MED27: variants seen among roughly 807,000 people sequenced by gnomAD.
The protein encoded by MED27 is mediator of RNA polymerase II transcription subunit 27.
A neutral mutation model predicts 38.2 loss-of-function variants in MED27; 30 were observed. The ratio of observed to expected loss-of-function variants is 0.79; its 90% CI spans 0.59 to 1.07. MED27 has a LOEUF of 1.07. Among genes scored for constraint, MED27 ranks in the 50% least tolerant of loss-of-function variants. The probability of loss-of-function intolerance (pLI) is 0.00; values close to 1 mark genes in which losing one functional copy is unlikely to be tolerated. For missense variants in MED27, 289 were observed against 397.5 expected, an observed-to-expected ratio of 0.73 and a Z score of 2.32; for synonymous variants, 122 against 153.5, an observed-to-expected ratio of 0.79 and a Z score of 1.52.
At chr9:131,890,674 T>C (rs1839213578) in intron 5 of MED27, among the ~76,000 whole-genome samples, 1 of 152,150 alleles carries the variant, frequency 6.6e-6, no homozygotes, top group East Asian at 1.9e-4. Context: ...GGCACAGAAG[T>C]GCACCCTACA....
intron 3 of MED27, among the ~76,000 whole-genome samples, chr9:132,000,381 G>C (rs536134740): frequency 2.6e-5 from 4 of 152,184 alleles, no homozygotes; most frequent in African/African-American, 9.6e-5. Flanking sequence ...ACAGCAACTG[G>C]AACTCTCATA....
At chr9:132,073,706 T>C in intron 2 of MED27, 3 of 1,519,930 alleles carry the variant, frequency 2.0e-6, no homozygotes, top group Non-Finnish European at 2.6e-6. Flanking sequence ...CTTCAGACTT[T>C]CCAATGGAAT....
chr9:131,994,892 C>T (rs1832058518), intron 3 of MED27, among the ~76,000 whole-genome samples: 1 of 152,124 alleles, frequency 6.6e-6, no homozygotes, highest in Non-Finnish European at 1.5e-5. Flanking sequence ...AGTGTCCAAG[C>T]TTGGTTTACA....
At chr9:131,926,263 G>A (rs932121876) in intron 4 of MED27, among the ~76,000 whole-genome samples, 4 of 152,212 alleles carry the variant, frequency 2.6e-5, no homozygotes, top group African/African-American at 9.7e-5. Flanking sequence ...GGCTCAGTGA[G>A]TATTTACTGA....
At chr9:132,015,122 C>T (rs1284065848) in intron 2 of MED27, among the ~76,000 whole-genome samples, 1 of 152,186 alleles carries the variant, frequency 6.6e-6, no homozygotes, top group East Asian at 1.9e-4. Context: ...TATCAGTCTG[C>T]ATTCAGAACC....
At chr9:131,898,027 A>G (rs1829862921) in intron 4 of MED27, among the ~76,000 whole-genome samples, 1 of 151,938 alleles carries the variant, frequency 6.6e-6, no homozygotes, top group South Asian at 2.1e-4. Context: ...GTGGCATCCC[A>G]GTGGTATACT....
intron 4 of MED27, among the ~76,000 whole-genome samples, chr9:131,916,702 G>A (rs939466056): frequency 2.6e-5 from 4 of 152,110 alleles, no homozygotes; most frequent in African/African-American, 9.7e-5. Flanking sequence ...TCATGAGGTG[G>A]AACACAACAG....
chr9:131,947,142 AG>A (rs995602891), intron 3 of MED27, among the ~76,000 whole-genome samples: 10 of 152,180 alleles, frequency 6.6e-5, no homozygotes, highest in Non-Finnish European at 7.3e-5. Flanking sequence ...TAAGCCACGG[AG>A]ACCCAAATTA....
chr9:131,916,172 G>C (rs1373092992), intron 4 of MED27, among the ~76,000 whole-genome samples: 2 of 152,124 alleles, frequency 1.3e-5, no homozygotes, highest in Non-Finnish European at 2.9e-5. Context: ...AGATTAACTG[G>C]AGGAAAAATC....
chr9:132,073,622 C>T, intron 2 of MED27: 1 of 1,445,620 alleles, frequency 6.9e-7, no homozygotes, highest in East Asian at 2.6e-5. Context: ...GAGAGGTGAA[C>T]TTTGCAGTAA....
chr9:132,045,607 T>C (rs1315171207), intron 2 of MED27, among the ~76,000 whole-genome samples: 1 of 152,228 alleles, frequency 6.6e-6, no homozygotes, highest in Non-Finnish European at 1.5e-5. Flanking sequence ...ATTATGTTTG[T>C]TTGCTTGTTT....
At chr9:131,968,471 C>CAA (rs10556528) in intron 3 of MED27, among the ~76,000 whole-genome samples, 26 of 98,380 alleles carry the variant, frequency 2.6e-4, no homozygotes, top group Non-Finnish European at 3.4e-4. Flanking sequence ...GACCCTGTCT[C>CAA]AAAAAAAAAA....
rs563924637 is a variant in MED27, at chr9:131,872,939, G to A, written c.724-9799C>T. Among the ~76,000 whole-genome samples the A allele has an allele frequency of 1.3e-5, 2 of 152,366 alleles. No individual in the cohort carries two copies. Among genetic ancestry groups the A allele is most frequent in the East Asian group, 1.9e-4 (1 of 5,192 alleles). ...CCTCTGTGTGGGAAGCCTCTGTGCCGCTCAGCCAGACTTTGGAGCACTCAA... is the reference window on the plus strand; with the variant it reads ...CCTCTGTGTGGGAAGCCTCTGTGCCACTCAGCCAGACTTTGGAGCACTCAA... On this transcript the variant is annotated intron_variant, in intron 6 of 7. Transcript: ENST00000292035. This position sits in a 1 kb window ranked among gnomAD's most constrained non-coding sequence, Gnocchi z 5.6.
intron 3 of MED27, among the ~76,000 whole-genome samples, chr9:131,961,419 T>G (rs1831211786): frequency 6.6e-6 from 1 of 152,228 alleles, no homozygotes; most frequent in Non-Finnish European, 1.5e-5. Context: ...GTTTCTTTCT[T>G]TGTTGAGTTC....
intron 3 of MED27, among the ~76,000 whole-genome samples, chr9:131,978,322 A>G (rs1831654288): frequency 6.6e-6 from 1 of 152,240 alleles, no homozygotes; most frequent in African/African-American, 2.4e-5. Context: ...AAGACATATC[A>G]ATCAAGAAGT....
Position 131,982,328 on chromosome 9 carries a change from A to G in MED27, c.479+32009T>C, listed in dbSNP as rs1005534364. Among the ~76,000 whole-genome samples, 2 of 152,164 alleles carry G rather than the reference A, an allele frequency of 1.3e-5. No individual in the cohort carries two copies. The highest frequency in any genetic ancestry group is 4.8e-5 in the African/African-American group (2 of 41,438). On this transcript the variant is annotated intron_variant, in intron 3 of 7. Coordinates refer to ENST00000292035, the MANE Select transcript of MED27 (RefSeq NM_004269.4). The surrounding 1 kb of genome is among the most constrained non-coding windows in gnomAD (Gnocchi z 4.3). ...ACGTGCAGAGGCCACACGGAGAGGG[A>G]GGGGCTCTGAGGCTACAGGGAAAGA... is the stretch of plus-strand genomic sequence containing the variant.
chr9:131,982,763 G>A lies in MED27; in HGVS notation c.479+31574C>T, dbSNP rs980440467. ...ATATTGTCAGCTTTTCTGGCTACAG[G>A]ATCTGCCGCAATGCCTGACCTCTGT... On this transcript the variant is annotated intron_variant, in intron 3 of 7. Coordinates refer to ENST00000292035, the MANE Select transcript of MED27 (RefSeq NM_004269.4). This position sits in a 1 kb window ranked among gnomAD's most constrained non-coding sequence, Gnocchi z 4.3. Among the ~76,000 whole-genome samples, 18 of 152,170 alleles carry A rather than the reference G, an allele frequency of 1.2e-4. No homozygotes were observed. Among genetic ancestry groups the A allele is most frequent in the African/African-American group, 4.3e-4 (18 of 41,434 alleles).
At chr9:131,946,841 T>G (rs1359959037) in intron 3 of MED27, among the ~76,000 whole-genome samples, 1 of 152,238 alleles carries the variant, frequency 6.6e-6, no homozygotes, top group East Asian at 1.9e-4. Flanking sequence ...AGTTTTCATC[T>G]TAAATGATGC....
At chr9:132,046,634 C>T (rs976268355) in intron 2 of MED27, among the ~76,000 whole-genome samples, 46 of 152,164 alleles carry the variant, frequency 3.0e-4, no homozygotes, top group Admixed American at 2.6e-4. Flanking sequence ...GTCCCAGCCC[C>T]CAAGCAATCG....
Sources: gnomAD v4.1 joint callset for allele counts (sites outside exome capture counted in the v4.1 genomes callset) on GRCh38, gnomAD v4.1.1 for gene constraint, Gnocchi (gnomAD v3.1) non-coding constraint, MANE v1.5 for transcripts, NCBI Gene and HGNC (gene_info 2026-07-23, HGNC 2026-07-21) for gene names.